PRH1: variants seen among roughly 807,000 people sequenced by gnomAD.
The protein encoded by PRH1 is proline rich protein HaeIII subfamily 1.
A neutral mutation model predicts 7.9 loss-of-function variants in PRH1; 7 were observed. The observed-to-expected ratio is 0.89, with a 90% confidence interval of 0.50 to 1.67. The LOEUF is 1.67. Ranked by LOEUF, PRH1 falls within the 40% of genes most tolerant of loss-of-function variation. The pLI is 0.00. For synonymous variants in PRH1, 45 were observed against 80.8 expected, an observed-to-expected ratio of 0.56 and a Z score of 2.38; for missense variants, 109 against 223.6, an observed-to-expected ratio of 0.49 and a Z score of 3.27.
chr12:11,143,580 G>C (rs1015580197), intron 1 of PRH1, among the ~76,000 whole-genome samples: 2 of 152,146 alleles, frequency 1.3e-5, no homozygotes, highest in Middle Eastern at 3.4e-3. Context: ...CTAATCAGTT[G>C]CCTATAAGAA....
At chr12:10,999,123 A>C (rs902147039) in intron 1 of PRH1, among the ~76,000 whole-genome samples, 14 of 152,230 alleles carry the variant, frequency 9.2e-5, no homozygotes, top group South Asian at 6.2e-4. Flanking sequence ...ATCCAAAAAC[A>C]TGTGAGATAT....
At chr12:10,892,468 GA>G (rs1949588447) in intron 2 of PRH1, among the ~76,000 whole-genome samples, 1 of 152,076 alleles carries the variant, frequency 6.6e-6, no homozygotes, top group Non-Finnish European at 1.5e-5. Context: ...TGACATCAGG[GA>G]TGACACTACC....
intron 2 of PRH1, among the ~76,000 whole-genome samples, chr12:10,933,753 G>T (rs1950246463): frequency 6.6e-6 from 1 of 152,046 alleles, no homozygotes; most frequent in Non-Finnish European, 1.5e-5. Context: ...AACCTTATGT[G>T]TATCTGCAAC....
intron 1 of PRH1, among the ~76,000 whole-genome samples, chr12:11,079,535 G>A (rs1356809141): frequency 1.6e-5 from 2 of 121,434 alleles, no homozygotes; most frequent in African/African-American, 2.8e-5. Flanking sequence ...AAAGACATAT[G>A]AGACACAAAT....
intron 2 of PRH1, among the ~76,000 whole-genome samples, chr12:10,942,787 G>A (rs997440836): frequency 4.6e-5 from 7 of 152,098 alleles, no homozygotes; most frequent in African/African-American, 1.4e-4. Context: ...TCTCTCTGTG[G>A]CATTTCCCTC....
chr12:11,109,327 A>G (rs1029971410), intron 1 of PRH1, among the ~76,000 whole-genome samples: 1 of 152,244 alleles, frequency 6.6e-6, no homozygotes, highest in African/African-American at 2.4e-5. Flanking sequence ...GCTAAAGGAC[A>G]GAGTGCCTCC....
intron 1 of PRH1, among the ~76,000 whole-genome samples, chr12:11,163,990 G>A (rs567936650): frequency 2.6e-5 from 4 of 152,274 alleles, no homozygotes; most frequent in African/African-American, 9.6e-5. Flanking sequence ...CAGACTACAA[G>A]CATAAGGGTT....
chr12:10,908,929 A>T (rs2135824022), intron 2 of PRH1: 1 of 1,613,272 alleles, frequency 6.2e-7, no homozygotes, highest in South Asian at 1.1e-5. Flanking sequence ...TTTACTCTCC[A>T]CTTCAAATAG....
In PRH1 at chr12:10,884,221, G is replaced by T; in HGVS notation, c.-4C>A. 2 of 1,614,186 alleles carry T rather than the reference G, an allele frequency of 1.2e-6. No homozygotes were observed. Among genetic ancestry groups the T allele is most frequent in the Non-Finnish European group, 1.7e-6 (2 of 1,180,016 alleles). On this transcript the variant is annotated 5_prime_UTR_variant, in exon 1 of 4. Coordinates refer to ENST00000543626, the MANE Select transcript of PRH1 (RefSeq NM_001393989.1). ...CTGACAGCAGAATCAGAAGCATCTT[G>T]CAGGAGGCTCTGGTGTCACTCCCAA...
chr12:10,954,712 A>T (rs1253710394), intron 2 of PRH1, among the ~76,000 whole-genome samples: 1 of 152,148 alleles, frequency 6.6e-6, no homozygotes, highest in Non-Finnish European at 1.5e-5. Flanking sequence ...CCTGGGGTCA[A>T]GTGATCCACC....
At chr12:11,070,943 A>T (rs1944038084) in intron 1 of PRH1, among the ~76,000 whole-genome samples, 1 of 151,914 alleles carries the variant, frequency 6.6e-6, no homozygotes, top group African/African-American at 2.4e-5. Context: ...TTTGTAACAG[A>T]TTGCCCCATT....
Position 11,096,332 on chromosome 12 carries a change from C to A in PRH1, n.124-49144G>T, listed in dbSNP as rs1447459671. On this transcript the variant is annotated intron_variant and non_coding_transcript_variant, in intron 1 of 4. Coordinates refer to the PRH1 transcript ENST00000541977. ...TTTCTTATGTTTAACTGGTTGTTAA[C>A]GCTATTGGATTCTCAAAATTGATGA... 1.7e-5 allele frequency among the ~76,000 whole-genome samples: 2 copies of A among 115,382 alleles called. 1 individual carries two copies. The highest frequency in any genetic ancestry group is 4.1e-5 in the Non-Finnish European group (2 of 48,972). 75.7% of individuals were successfully genotyped at this position (115,382 alleles called of 152,430 possible).
intron 2 of PRH1, among the ~76,000 whole-genome samples, chr12:10,971,570 TG>T (rs1819404460): frequency 6.6e-6 from 1 of 152,140 alleles, no homozygotes. Context: ...GATATTCATG[TG>T]TGTGTATACA....
chr12:11,162,518 A>G (rs151308329), intron 1 of PRH1, among the ~76,000 whole-genome samples: 2 of 152,344 alleles, frequency 1.3e-5, no homozygotes, highest in African/African-American at 2.4e-5. Flanking sequence ...CTGATGTAAC[A>G]TAAGACTTTA....
chr12:11,091,780 A>T, intron 1 of PRH1: 1 of 1,400,962 alleles, frequency 7.1e-7, no homozygotes, highest in Non-Finnish European at 1.0e-6. Context: ...GCACAATCTC[A>T]TTCATGTTTA....
At chr12:10,997,748 G>A (rs1022728446) in intron 1 of PRH1, 33 of 1,613,796 alleles carry the variant, frequency 2.0e-5, no homozygotes, top group Non-Finnish European at 2.6e-5. Flanking sequence ...TTGATCAGCT[G>A]AGGAGATCTT....
chr12:10,913,658 A>T (rs1385359236), intron 2 of PRH1, among the ~76,000 whole-genome samples: 1 of 152,198 alleles, frequency 6.6e-6, no homozygotes, highest in African/African-American at 2.4e-5. Flanking sequence ...AGGATAAGAA[A>T]TGTAGTCTTG....
chr12:11,122,259 C>T (rs912109798), intron 1 of PRH1, among the ~76,000 whole-genome samples: 1 of 152,252 alleles, frequency 6.6e-6, no homozygotes, highest in African/African-American at 2.4e-5. Context: ...GAATGAGAAA[C>T]TAATGGAGTC....
chr12:10,983,433 A>G (rs1389392377), intron 1 of PRH1, among the ~76,000 whole-genome samples: 1 of 152,152 alleles, frequency 6.6e-6, no homozygotes, highest in Non-Finnish European at 1.5e-5. Flanking sequence ...GATTATCTTG[A>G]CTGTCTTCTC....
Sources: allele counts gnomAD v4.1 joint callset (sites outside exome capture counted in the v4.1 genomes callset), GRCh38; gene constraint gnomAD v4.1.1; transcripts MANE v1.5; gene names NCBI Gene and HGNC (gene_info 2026-07-23, HGNC 2026-07-21).